The following GPATCH2L variants were observed in gnomAD, a reference collection of about 807,000 sequenced individuals.
GPATCH2L encodes the protein G-patch domain containing 2 like.
In GPATCH2L, 31 loss-of-function variants were observed where a neutral mutation model predicts 57.4. That is an observed-to-expected ratio of 0.54 (90% CI 0.41 to 0.73). The LOEUF (loss-of-function observed/expected upper bound fraction) is 0.73. GPATCH2L is among the 30% of genes least tolerant of loss of function. The pLI is 0.00. For missense variants in GPATCH2L, 481 were observed against 599.9 expected, an observed-to-expected ratio of 0.80 and a Z score of 2.07; for synonymous variants, 199 against 210.7, an observed-to-expected ratio of 0.94 and a Z score of 0.48.
rs4903385 is a variant in GPATCH2L at position 76,202,966 on chromosome 14, C to A, written c.*1115C>A. 0.53 allele frequency: 80,882 copies of A among 151,932 alleles called. 23,959 individuals are homozygous for A. Among genetic ancestry groups the A allele is most frequent in the South Asian group, 0.73 (3,518 of 4,820 alleles). The allele number at this position is 151,932 out of a possible 1,614,324, so 9.4% of individuals were successfully genotyped here. A position where few individuals can be genotyped will look rare whatever the true frequency, so the allele number is the denominator to read the frequency against. On this transcript the variant is annotated 3_prime_UTR_variant, in exon 10 of 10. Coordinates refer to ENST00000261530, the MANE Select transcript of GPATCH2L (RefSeq NM_017926.4). ...GTCTGTCATTCATTCAGGGGCCTAGCTGACAGAAGGGCTCTTTTTTTTATA... is the reference window on the plus strand; with the variant it reads ...GTCTGTCATTCATTCAGGGGCCTAGATGACAGAAGGGCTCTTTTTTTTATA...
At chr14:76,189,473 G>A (rs531178856) in intron 8 of GPATCH2L, among the ~76,000 whole-genome samples, 31 of 151,692 alleles carry the variant, frequency 2.0e-4, no homozygotes, top group African/African-American at 7.3e-4. Flanking sequence ...ACTATAAATG[G>A]GGTTAATTTT....
chr14:76,178,329 C>T, intron 7 of GPATCH2L: 1 of 1,203,766 alleles, frequency 8.3e-7, no homozygotes, highest in Admixed American at 2.4e-5. Flanking sequence ...GAAGGTAGAG[C>T]TGCTTTGGGT....
At chr14:76,160,986 A>G (rs1335568518) in intron 2 of GPATCH2L, among the ~76,000 whole-genome samples, 1 of 152,222 alleles carries the variant, frequency 6.6e-6, no homozygotes, top group Non-Finnish European at 1.5e-5. Flanking sequence ...CTTTCATGGC[A>G]CTGTCTGAAT....
downstream of GPATCH2L, among the ~76,000 whole-genome samples, chr14:76,216,544 G>C (rs1234254069): frequency 6.6e-6 from 1 of 151,366 alleles, no homozygotes; most frequent in Non-Finnish European, 1.5e-5. Context: ...ACTCATTCAG[G>C]GGAAATAGAA....
intron 8 of GPATCH2L, among the ~76,000 whole-genome samples, chr14:76,183,620 C>T (rs569401681): frequency 6.6e-6 from 1 of 152,070 alleles, no homozygotes; most frequent in Non-Finnish European, 1.5e-5. Context: ...GCAACCACTG[C>T]TTCATGGGAA....
chr14:76,167,529 C>T (rs757537007), intron 3 of GPATCH2L, among the ~76,000 whole-genome samples: 12 of 152,188 alleles, frequency 7.9e-5, no homozygotes, highest in Non-Finnish European at 1.2e-4. Flanking sequence ...AAGTAGGCTC[C>T]CCAGTAACTG....
intron 2 of GPATCH2L, among the ~76,000 whole-genome samples, chr14:76,160,429 A>T (rs2139580157): frequency 6.6e-6 from 1 of 152,338 alleles, no homozygotes; most frequent in South Asian, 2.1e-4. Context: ...TTGCTACAGA[A>T]AAAAATCGCC....
rs953857481 is a variant in GPATCH2L at position 76,212,670 on chromosome 14, A to G, written c.*10819A>G. ...GTTGATGCATATTAGACTTTACCCT[A>G]AAAGTGGTAACTACACTTCAAAGTA... On this transcript the variant is annotated 3_prime_UTR_variant, in exon 10 of 10. Coordinates refer to ENST00000261530, the MANE Select transcript of GPATCH2L (RefSeq NM_017926.4). The G allele has an allele frequency of 9.9e-5, 15 of 152,162 alleles. No homozygotes were observed. The highest frequency in any genetic ancestry group is 3.6e-4 in the African/African-American group (15 of 41,448). 9.4% of individuals were successfully genotyped at this position (152,162 alleles called of 1,614,324 possible). A position where few individuals can be genotyped will look rare whatever the true frequency, so the allele number is the denominator to read the frequency against.
downstream of GPATCH2L, among the ~76,000 whole-genome samples, chr14:76,216,965 A>G (rs567740729): frequency 3.3e-5 from 5 of 152,294 alleles, no homozygotes; most frequent in Non-Finnish European, 7.3e-5. Flanking sequence ...AGATAACTGG[A>G]TATAGTTATA....
intron 8 of GPATCH2L, among the ~76,000 whole-genome samples, chr14:76,191,117 T>A (rs974124544): frequency 6.6e-6 from 1 of 151,910 alleles, no homozygotes; most frequent in Non-Finnish European, 1.5e-5. Flanking sequence ...GAAAGGGAAG[T>A]TCAGACTCTC....
At chr14:76,170,385 ATTC>A (rs770151648) in intron 3 of GPATCH2L, among the ~76,000 whole-genome samples, 2 of 152,186 alleles carry the variant, frequency 1.3e-5, no homozygotes, top group Non-Finnish European at 2.9e-5. Context: ...ACAATTATCT[ATTC>A]TTTGTTGGCA....
downstream of GPATCH2L, chr14:76,214,379 G>A (rs1250397258): frequency 6.6e-6 from 1 of 152,040 alleles, no homozygotes; most frequent in Admixed American, 6.6e-5. Flanking sequence ...CTTCTAACTG[G>A]TTATTGCTCT....
At chr14:76,185,152 G>GTCCAACT (rs1430050424) in intron 8 of GPATCH2L, among the ~76,000 whole-genome samples, 5 of 152,182 alleles carry the variant, frequency 3.3e-5, no homozygotes, top group Non-Finnish European at 5.9e-5. Context: ...TTGTCAGGTG[G>GTCCAACT]ATATATGGAT....
At chr14:76,232,876 C>T (rs1249749887) in intron 2 of GPATCH2L, among the ~76,000 whole-genome samples, 1 of 152,154 alleles carries the variant, frequency 6.6e-6, no homozygotes, top group African/African-American at 2.4e-5. Flanking sequence ...GTTGACTGCC[C>T]GTGCAGCTGC....
intron 3 of GPATCH2L, among the ~76,000 whole-genome samples, chr14:76,169,604 G>C (rs1290313376): frequency 2.0e-5 from 3 of 152,174 alleles, no homozygotes; most frequent in African/African-American, 7.2e-5. Flanking sequence ...GCTGGTCTAT[G>C]TGGTCTCACA....
At chr14:76,152,659 C>G (rs1005219301) in intron 1 of GPATCH2L, 4 of 455,962 alleles carry the variant, frequency 8.8e-6, no homozygotes, top group Non-Finnish European at 1.8e-5. Context: ...TCTTTTGTCA[C>G]TACTGTTGGA....
intron 1 of GPATCH2L, among the ~76,000 whole-genome samples, chr14:76,226,788 C>T (rs1447018775): frequency 6.6e-6 from 1 of 152,222 alleles, no homozygotes; most frequent in East Asian, 1.9e-4. Flanking sequence ...AAGTAAATCT[C>T]TCTTCTTTGT....
chr14:76,214,868 T>G (rs2040479015), downstream of GPATCH2L, among the ~76,000 whole-genome samples: 1 of 151,286 alleles, frequency 6.6e-6, no homozygotes, highest in Admixed American at 6.6e-5. Flanking sequence ...ATGGGAAAGG[T>G]TTTTTTTTCT....
rs542824508 is a variant in GPATCH2L, at chr14:76,154,354, A to T, written c.-10A>T. The T allele has an allele frequency of 9.0e-6, 14 of 1,558,762 alleles. No homozygotes were observed. In the South Asian group the frequency reaches 1.6e-4, roughly 18 times the overall value. ...TTTTTCCTAAACTTCCTTTTGGCAGATGTGGCCTCATGGATGAGCTGGTAC... is the reference window on the plus strand; with the variant it reads ...TTTTTCCTAAACTTCCTTTTGGCAGTTGTGGCCTCATGGATGAGCTGGTAC... On this transcript the variant is annotated splice_region_variant and 5_prime_UTR_variant, in exon 2 of 10. The change abolishes an upstream ATG in the 5' untranslated region. Transcript: ENST00000261530. The surrounding 1 kb of genome is among the most constrained non-coding windows in gnomAD (Gnocchi z 4.4).
Sources: allele counts gnomAD v4.1 joint callset (sites outside exome capture counted in the v4.1 genomes callset), GRCh38; gene constraint gnomAD v4.1.1; non-coding constraint Gnocchi (gnomAD v3.1); transcripts MANE v1.5; gene names NCBI Gene and HGNC (gene_info 2026-07-23, HGNC 2026-07-21).